The following TUBA4B variants were observed in gnomAD, a reference collection of about 807,000 sequenced individuals.
TUBA4B encodes the protein tubulin-like protein alpha-4B.
TUBA4B carries 13 observed loss-of-function variants against 18.4 expected under a neutral mutation model. The observed-to-expected ratio is 0.71, with a 90% CI of 0.46 to 1.12. TUBA4B has a LOEUF of 1.12. TUBA4B is among the 50% of genes most tolerant of loss of function. The pLI, the probability that TUBA4B is intolerant of heterozygous loss-of-function variation, is 0.00. For missense variants in TUBA4B, 244 were observed against 250.0 expected (o/e 0.98, Z 0.16); for synonymous variants, 101 against 99.1 (o/e 1.02, Z -0.11).
chr2:219,263,107 T>G (rs968868483), intron 1 of TUBA4B, among the ~76,000 whole-genome samples: 3 of 152,180 alleles, frequency 2.0e-5, no homozygotes, highest in African/African-American at 7.2e-5. Flanking sequence ...AAATGGTGCT[T>G]GGCATACAGC....
chr2:219,258,051 A>T (rs1951733554), intron 1 of TUBA4B, among the ~76,000 whole-genome samples: 1 of 131,600 alleles, frequency 7.6e-6, no homozygotes. Context: ...CAGTAGTGTG[A>T]TCTCAGCTCA....
chr2:219,257,043 C>CT (rs368841707), intron 1 of TUBA4B, among the ~76,000 whole-genome samples: 6,926 of 107,546 alleles, frequency 0.064, 907 homozygotes, highest in African/African-American at 0.22. Context: ...CCCATTTTGG[C>CT]TTTTTTTTTT....
At chr2:219,259,124 TAATAAATA>T (rs58291199) in intron 1 of TUBA4B, among the ~76,000 whole-genome samples, 1,368 of 134,406 alleles carry the variant, frequency 0.01, 10 homozygotes, top group African/African-American at 0.019. Context: ...CTACTAAAAA[TAATAAATA>T]AATAAATAAA....
chr2:219,266,834 G>T (rs1951793355), intron 2 of TUBA4B, among the ~76,000 whole-genome samples: 1 of 152,090 alleles, frequency 6.6e-6, no homozygotes, highest in Non-Finnish European at 1.5e-5. Flanking sequence ...CTGCTGAGGG[G>T]GTCTGAATTT....
chr2:219,253,360 G>GT lies in TUBA4B; in HGVS notation c.-48_-47insT, dbSNP rs373547087. The GT allele has an allele frequency of 4.4e-5, 68 of 1,533,846 alleles. No individual in the cohort carries two copies. In the African/African-American group the frequency reaches 8.3e-4, roughly 19 times the overall value. On this transcript the variant is annotated 5_prime_UTR_variant, in exon 1 of 4. Transcript: ENST00000490341. ...GACGCGGGGTGCTGAGTCACGGGGG[G>GT]GGGGTGGTTCTGTGGATAGTTGGAA...
At chr2:219,262,111 AC>A (rs1292509202) in intron 1 of TUBA4B, among the ~76,000 whole-genome samples, 1 of 152,194 alleles carries the variant, frequency 6.6e-6, no homozygotes, top group African/African-American at 2.4e-5. Context: ...GGAGATCGAG[AC>A]CATCCTGGTT....
intron 1 of TUBA4B, among the ~76,000 whole-genome samples, chr2:219,264,459 CAAA>C (rs36027298): frequency 3.2e-4 from 25 of 78,834 alleles, no homozygotes; most frequent in Admixed American, 6.0e-4. Flanking sequence ...GGCCCTGTCT[CAAA>C]AAAAAAAAAA....
chr2:219,263,471 G>A (rs1488470766), intron 1 of TUBA4B, among the ~76,000 whole-genome samples: 1 of 152,196 alleles, frequency 6.6e-6, no homozygotes, highest in African/African-American at 2.4e-5. Context: ...TTTTCATTCT[G>A]CTTTACATAA....
chr2:219,261,189 C>T (rs1329142991), intron 1 of TUBA4B, among the ~76,000 whole-genome samples: 2 of 152,116 alleles, frequency 1.3e-5, no homozygotes, highest in Non-Finnish European at 2.9e-5. Flanking sequence ...TCACCAATAA[C>T]TCCAGTGTTT....
At chr2:219,253,954 G>T (rs1358429982) in intron 1 of TUBA4B, 3 of 1,185,844 alleles carry the variant, frequency 2.5e-6, no homozygotes, top group Non-Finnish European at 3.3e-6. Flanking sequence ...TATAGGCGGG[G>T]GGGGGGCGGG....
intron 1 of TUBA4B, among the ~76,000 whole-genome samples, chr2:219,257,931 G>A (rs1001488455): frequency 8.6e-5 from 13 of 150,778 alleles, no homozygotes; most frequent in African/African-American, 3.2e-4. Context: ...TCCTGCCTTG[G>A]CCTCCCAAAC....
rs766251648 is a variant in TUBA4B at position 219,271,340 on chromosome 2, C to T, written c.367C>T (p.Pro123Ser). 6.2e-7 allele frequency: 1 copy of T among 1,613,176 alleles called. No homozygotes were observed. The highest frequency in any genetic ancestry group is 8.5e-7 in the Non-Finnish European group (1 of 1,179,138). Residue 123 changes from proline to serine, a missense_variant, in exon 4 of 4, where the codon CCC becomes TCC. Transcript: ENST00000490341. ...APQVSTAMVQPYNSILTTHTT... is the reference protein window; with the variant it reads ...APQVSTAMVQSYNSILTTHTT... ...CCAGGTGTCTACAGCCATGGTCCAGCCCTACAACTCTATCCTGACCACCCA... is the reference window on the plus strand; with the variant it reads ...CCAGGTGTCTACAGCCATGGTCCAGTCCTACAACTCTATCCTGACCACCCA...
intron 1 of TUBA4B, chr2:219,254,267 G>C (rs1370893000): frequency 5.8e-6 from 1 of 173,306 alleles, no homozygotes; most frequent in East Asian, 1.5e-4. Flanking sequence ...TTCTGACTTA[G>C]GTCGGGAGCA....
In TUBA4B at chr2:219,271,969, A is replaced by G. The variant is rs954482783; in HGVS notation, c.*270A>G. ...ATGGCCTGGGCCCGCCTGGACCACA[A>G]GTTTGACCTGATGTATGCCAAGAGG... is the stretch of plus-strand genomic sequence containing the variant. On this transcript the variant is annotated 3_prime_UTR_variant, in exon 4 of 4. Transcript: ENST00000490341. 2.0e-6 allele frequency: 3 copies of G among 1,522,232 alleles called. No individual in the cohort carries two copies. The highest frequency in any genetic ancestry group is 2.7e-6 in the Non-Finnish European group (3 of 1,096,950). 94.3% of individuals were successfully genotyped at this position (1,522,232 alleles called of 1,614,324 possible). A position where few individuals can be genotyped will look rare whatever the true frequency, so the allele number is the denominator to read the frequency against.
intron 1 of TUBA4B, among the ~76,000 whole-genome samples, chr2:219,264,092 T>C (rs1244726851): frequency 6.6e-6 from 1 of 152,172 alleles, no homozygotes; most frequent in East Asian, 1.9e-4. Flanking sequence ...TACTGAACCT[T>C]ATGTACTGTT....
chr2:219,266,957 T>C (rs538821950), intron 2 of TUBA4B, among the ~76,000 whole-genome samples: 3 of 152,176 alleles, frequency 2.0e-5, no homozygotes, highest in Non-Finnish European at 4.4e-5. Flanking sequence ...TGTTGGGCTC[T>C]GATCCCACCT....
At chr2:219,268,788 A>G (rs1182542561) in intron 2 of TUBA4B, among the ~76,000 whole-genome samples, 1 of 152,204 alleles carries the variant, frequency 6.6e-6, no homozygotes, top group East Asian at 1.9e-4. Flanking sequence ...CAGGAATGCA[A>G]AAAGGTATAA....
intron 2 of TUBA4B, among the ~76,000 whole-genome samples, chr2:219,268,639 C>A (rs1951806178): frequency 6.6e-6 from 1 of 152,120 alleles, no homozygotes; most frequent in South Asian, 2.1e-4. Context: ...AGTAATTGGG[C>A]TGGAATACAG....
intron 1 of TUBA4B, among the ~76,000 whole-genome samples, chr2:219,257,915 C>T (rs1219866642): frequency 6.6e-6 from 1 of 151,138 alleles, no homozygotes; most frequent in Admixed American, 6.6e-5. Flanking sequence ...TAGCCATAAG[C>T]TCTTCTCCTG....
Sources: allele counts gnomAD v4.1 joint callset (sites outside exome capture counted in the v4.1 genomes callset), GRCh38; gene constraint gnomAD v4.1.1; transcripts MANE v1.5; gene names NCBI Gene and HGNC (gene_info 2026-07-23, HGNC 2026-07-21).